The following EXD3 variants were observed in gnomAD, a reference collection of about 807,000 sequenced individuals.
EXD3 encodes the protein exonuclease mut-7 homolog.
In EXD3, 92 loss-of-function variants were observed where a neutral mutation model predicts 98.0. The observed-to-expected ratio is 0.94, with a 90% CI of 0.79 to 1.12. EXD3 has a LOEUF of 1.12. EXD3 is among the 50% of genes most tolerant of loss of function. The pLI, the probability that EXD3 is intolerant of heterozygous loss-of-function variation, is 0.00. For missense variants in EXD3, 1,222 were observed against 1,191.6 expected (o/e 1.03, Z -0.38); for synonymous variants, 569 against 526.0 (o/e 1.08, Z -1.12).
At chr9:137,341,361 A>G (rs956111163) in intron 17 of EXD3, among the ~76,000 whole-genome samples, 3 of 152,254 alleles carry the variant, frequency 2.0e-5, no homozygotes, top group Non-Finnish European at 2.9e-5. Context: ...AGGGTCCCCA[A>G]GATCATCCTG....
At chr9:137,314,833 G>A (rs908737775) in intron 19 of EXD3, among the ~76,000 whole-genome samples, 13 of 152,204 alleles carry the variant, frequency 8.5e-5, no homozygotes, top group Middle Eastern at 3.2e-3. Context: ...CCTGAGTGTG[G>A]GAGAGGAGTG....
intron 1 of EXD3, among the ~76,000 whole-genome samples, chr9:137,404,860 T>TAA (rs34702081): frequency 0.26 from 37,787 of 147,054 alleles, 5,017 homozygotes; most frequent in Non-Finnish European, 0.3. Flanking sequence ...AGCTCTGTCT[T>TAA]AAAAAAAAAA....
chr9:137,411,761 C>G (rs114989935), intron 1 of EXD3, among the ~76,000 whole-genome samples: 3,301 of 145,134 alleles, frequency 0.023, 165 homozygotes, highest in African/African-American at 0.081. Flanking sequence ...GGGAGGGAGT[C>G]GGGGAGGCGG....
At chr9:137,376,115 C>T (rs149259014) in intron 3 of EXD3, among the ~76,000 whole-genome samples, 195 of 151,934 alleles carry the variant, frequency 1.3e-3, no homozygotes, top group African/African-American at 3.8e-3. Flanking sequence ...GAGGCTGAGG[C>T]GGGCAGATCA....
Position 137,307,193 on chromosome 9 carries a change from G to A in EXD3, c.2388C>T (p.Asp796=), listed in dbSNP as rs1280185556. 5 of 1,585,502 alleles carry A rather than the reference G, an allele frequency of 3.2e-6. No individual in the cohort carries two copies. The highest frequency in any genetic ancestry group is 1.1e-5 in the South Asian group (1 of 87,674). ...DRPCRWLQMA[D]LRAETPDMLA... ...GCATGTCCGGTGTCTCCGCCCGCAGGTCAGCCATCTGCAGCCAGCGGCAGG... is the reference window on the plus strand; with the variant it reads ...GCATGTCCGGTGTCTCCGCCCGCAGATCAGCCATCTGCAGCCAGCGGCAGG... Residue 796 remains aspartate, a synonymous_variant, in exon 22 of 22, where the codon GAC becomes GAT. Coordinates refer to ENST00000340951, the MANE Select transcript of EXD3 (RefSeq NM_017820.5).
intron 10 of EXD3, chr9:137,353,559 G>A: frequency 2.0e-6 from 2 of 986,072 alleles, no homozygotes; most frequent in Non-Finnish European, 2.4e-6. Flanking sequence ...AGGGGGTCCT[G>A]AGAAACCTCA....
In EXD3 at chr9:137,349,489, T is replaced by G; in HGVS notation, c.1537A>C (p.Arg513=). 1.2e-6 allele frequency: 2 copies of G among 1,603,510 alleles called. No homozygotes were observed. The highest frequency in any genetic ancestry group is 1.7e-6 in the Non-Finnish European group (2 of 1,177,568). Residue 513 remains arginine, a synonymous_variant, in exon 15 of 22, where the codon AGG becomes CGG. Coordinates refer to ENST00000340951, the MANE Select transcript of EXD3 (RefSeq NM_017820.5). This position sits in a 1 kb window ranked among gnomAD's most constrained non-coding sequence, Gnocchi z 7.4. ...SVPAPAVDRA[R]ELRGLSLLVQ... is the part of the protein sequence containing the mutation. The stretch of plus-strand genomic sequence containing the variant: ...AGGAGGCTCAGGCCCCTCAGCTCCC[T>G]GGCCCTGTCCACGGCTGGGGCTGGC...
intron 19 of EXD3, 54 bp from the exon 20 acceptor site, chr9:137,309,754 T>A: frequency 7.3e-7 from 1 of 1,374,154 alleles, no homozygotes; most frequent in Non-Finnish European, 1.0e-6. Context: ...GGGTGCCCCA[T>A]ACCCCAGCCC....
intron 19 of EXD3, among the ~76,000 whole-genome samples, chr9:137,312,293 C>T (rs1017690674): frequency 7.7e-5 from 11 of 142,330 alleles, no homozygotes; most frequent in South Asian, 2.5e-4. Context: ...ACTGGGAGGG[C>T]GGGGTGGGAG....
intron 7 of EXD3, among the ~76,000 whole-genome samples, chr9:137,358,532 G>C (rs572144024): frequency 4.7e-4 from 71 of 152,254 alleles, no homozygotes; most frequent in Middle Eastern, 6.8e-3. Context: ...AGGCCTCCGA[G>C]GACAGTCGCT....
At chr9:137,379,056 G>A (rs373013069) in intron 3 of EXD3, among the ~76,000 whole-genome samples, 67 of 93,848 alleles carry the variant, frequency 7.1e-4, no homozygotes, top group South Asian at 1.8e-3. Context: ...GGAATGGGGC[G>A]TCTGTGTGAG....
intron 1 of EXD3, among the ~76,000 whole-genome samples, chr9:137,397,545 T>C (rs1837275512): frequency 1.3e-5 from 2 of 151,790 alleles, no homozygotes; most frequent in Non-Finnish European, 1.5e-5. Context: ...ATATGACCCA[T>C]AAACAAGTGG....
intron 8 of EXD3, among the ~76,000 whole-genome samples, chr9:137,355,674 AG>A (rs1834711766): frequency 1.2e-5 from 1 of 86,480 alleles, no homozygotes; most frequent in African/African-American, 4.1e-5. Flanking sequence ...GGAGAAAGGG[AG>A]GATGGAGGAA....
At position 137,338,608 on chromosome 9, in the gene EXD3, C is replaced by T. The variant is rs1043623603; in HGVS notation, c.1998+9463G>A. 4.6e-5 allele frequency among the ~76,000 whole-genome samples: 7 copies of T among 151,406 alleles called. No individual in the cohort carries two copies. In the East Asian group the frequency reaches 9.7e-4, roughly 21 times the overall value. ...TTATTTTAAAAGGCAGTAAGTTGGC[C>T]GGGCGCAGTGGCTCACGCCTGTAAT... On this transcript the variant is annotated intron_variant, in intron 17 of 21. Coordinates refer to ENST00000340951, the MANE Select transcript of EXD3 (RefSeq NM_017820.5).
chr9:137,326,507 C>G (rs951632249), intron 17 of EXD3, among the ~76,000 whole-genome samples: 1 of 152,012 alleles, frequency 6.6e-6, no homozygotes, highest in African/African-American at 2.4e-5. Context: ...GCCTGGGTAA[C>G]AAAGTGAGAC....
intron 19 of EXD3, among the ~76,000 whole-genome samples, chr9:137,321,223 C>T (rs989173420): frequency 6.6e-5 from 10 of 152,202 alleles, no homozygotes; most frequent in Admixed American, 2.0e-4. Flanking sequence ...TAGCAGAAGG[C>T]GCAGGCCTGC....
intron 2 of EXD3, among the ~76,000 whole-genome samples, chr9:137,386,488 T>A (rs905016626): frequency 7.9e-5 from 12 of 151,810 alleles, no homozygotes; most frequent in African/African-American, 2.9e-4. Context: ...CCCACCGACC[T>A]GGGCCACTCC....
At chr9:137,315,255 C>T (rs748251252) in intron 19 of EXD3, among the ~76,000 whole-genome samples, 3 of 152,378 alleles carry the variant, frequency 2.0e-5, no homozygotes, top group Non-Finnish European at 2.9e-5. Context: ...CCCTGGGCAC[C>T]CCCCGACCGG....
rs1379558667 is a variant in EXD3 at position 137,405,639 on chromosome 9, T to G, written c.-47-10235A>C. Among the ~76,000 whole-genome samples, 1 of 152,224 alleles carries G rather than the reference T, an allele frequency of 6.6e-6. No individual in the cohort carries two copies. Among genetic ancestry groups the G allele is most frequent in the African/African-American group, 2.4e-5 (1 of 41,454 alleles). ...TCTGTAAGGCAGCAGAAGCCACCAT[T>G]TCTCTCTATTGTTGGTTTCCTCCCT... On this transcript the variant is annotated intron_variant, in intron 1 of 21. Coordinates refer to ENST00000340951, the MANE Select transcript of EXD3 (RefSeq NM_017820.5). The surrounding 1 kb of genome is among the most constrained non-coding windows in gnomAD (Gnocchi z 4.1).
Sources: allele counts gnomAD v4.1 joint callset (sites outside exome capture counted in the v4.1 genomes callset), GRCh38; gene constraint gnomAD v4.1.1; non-coding constraint Gnocchi (gnomAD v3.1); transcripts MANE v1.5; gene names NCBI Gene and HGNC (gene_info 2026-07-23, HGNC 2026-07-21).